FRK: variants seen among roughly 807,000 people sequenced by gnomAD.
The protein encoded by FRK is fyn related Src family tyrosine kinase, also known as tyrosine-protein kinase FRK.
Under a neutral mutation model 56.4 loss-of-function variants are expected in FRK, and 51 were observed. The observed-to-expected ratio is 0.90, with a 90% confidence interval of 0.72 to 1.14. The LOEUF is 1.14. Among genes scored for constraint, FRK ranks in the 50% most tolerant of loss-of-function variants. The pLI is 0.00. For synonymous variants in FRK, 245 were observed against 217.9 expected (o/e 1.12, Z -1.10); for missense variants, 570 against 601.4 (o/e 0.95, Z 0.55).
rs1453759573 is a variant in FRK at position 115,936,998 on chromosome 6, C to G, written c.*5416G>C. On this transcript the variant is annotated 3_prime_UTR_variant, in exon 8 of 8. Coordinates refer to ENST00000606080, the MANE Select transcript of FRK (RefSeq NM_002031.3). ...GAACGCCACAAAGATACTCCTCGAG[C>G]AGAGCAACCCCAAGACATATAATCG... 1 of 152,072 alleles carries G rather than the reference C, an allele frequency of 6.6e-6. No individual in the cohort carries two copies. Among genetic ancestry groups the G allele is most frequent in the Non-Finnish European group, 1.5e-5 (1 of 68,022 alleles). The allele number at this position is 152,072 out of a possible 1,614,324, so 9.4% of individuals were successfully genotyped here.
the FRK span, among the ~76,000 whole-genome samples, chr6:116,070,638 T>C: frequency 2.0e-5 from 3 of 152,190 alleles, no homozygotes; most frequent in Non-Finnish European, 2.9e-5. Flanking sequence ...ATCCAATCAG[T>C]ATTTTCCAAT....
the FRK span, among the ~76,000 whole-genome samples, chr6:116,083,757 A>C: frequency 6.6e-6 from 1 of 152,144 alleles, no homozygotes; most frequent in African/African-American, 2.4e-5. Flanking sequence ...CTGCAAACTC[A>C]AACTACTGGG....
chr6:116,022,687 C>A (rs1775921658), intron 1 of FRK, among the ~76,000 whole-genome samples: 1 of 152,088 alleles, frequency 6.6e-6, no homozygotes, highest in Admixed American at 6.6e-5. Context: ...ACAATATAAA[C>A]CCTTCACCTA....
At chr6:116,093,165 C>T in the FRK span, among the ~76,000 whole-genome samples, 3 of 152,150 alleles carry the variant, frequency 2.0e-5, no homozygotes, top group Non-Finnish European at 2.9e-5. Context: ...ATAGCCTAGC[C>T]TCCCTATAGC....
the FRK span, among the ~76,000 whole-genome samples, chr6:116,070,796 G>A: frequency 1.3e-5 from 2 of 152,088 alleles, no homozygotes; most frequent in Non-Finnish European, 1.5e-5. Flanking sequence ...TTATGCCAAA[G>A]TTTCCAGATT....
chr6:116,047,947 G>A (rs12524293), intron 1 of FRK, among the ~76,000 whole-genome samples: 9,054 of 152,330 alleles, frequency 0.059, 398 homozygotes, highest in Admixed American at 0.14. Flanking sequence ...GAATGCAGAT[G>A]CAAGGAAGCA....
At chr6:115,948,291 CAAAT>C (rs536022104) in intron 5 of FRK, among the ~76,000 whole-genome samples, 2 of 152,096 alleles carry the variant, frequency 1.3e-5, no homozygotes, top group Non-Finnish European at 2.9e-5. Flanking sequence ...TGCCAGGAGT[CAAAT>C]GAGTGAGTTT....
intron 1 of FRK, among the ~76,000 whole-genome samples, chr6:116,041,014 T>C (rs1032368506): frequency 1.3e-5 from 2 of 152,316 alleles, no homozygotes; most frequent in African/African-American, 4.8e-5. Flanking sequence ...AATTATCTAT[T>C]GGGATTCTTT....
At chr6:115,955,391 T>A (rs1312557439) in intron 5 of FRK, among the ~76,000 whole-genome samples, 1 of 152,106 alleles carries the variant, frequency 6.6e-6, no homozygotes, top group African/African-American at 2.4e-5. Context: ...TATAAAGCAT[T>A]TTTTGTTAGC....
chr6:115,958,667 A>G (rs1312953548), intron 4 of FRK, among the ~76,000 whole-genome samples: 30 of 2,866 alleles, frequency 0.01, 3 homozygotes, highest in African/African-American at 0.027. Context: ...AAAGAAAGAA[A>G]GAAAGAAAGA....
At chr6:116,028,428 CA>C (rs1426382673) in intron 1 of FRK, among the ~76,000 whole-genome samples, 12 of 152,200 alleles carry the variant, frequency 7.9e-5, no homozygotes. Flanking sequence ...ACTGCTGTAA[CA>C]AAGCACTACA....
In FRK at chr6:116,014,902, G is replaced by T. The variant is rs73770699; in HGVS notation, c.345-10904C>A. ...AAGAAATTTTCATAAGGATCTACAG[G>T]CAAAGGTGTTTTAATGAGTACATGC... On this transcript the variant is annotated intron_variant, in intron 1 of 7. Transcript: ENST00000606080. Among the ~76,000 whole-genome samples, 647 of 152,258 alleles carry T rather than the reference G, an allele frequency of 4.2e-3. 7 individuals carry two copies. Among genetic ancestry groups the T allele is most frequent in the African/African-American group, 0.015 (628 of 41,542 alleles).
At chr6:115,983,510 A>G (rs1774283892) in intron 2 of FRK, among the ~76,000 whole-genome samples, 1 of 152,184 alleles carries the variant, frequency 6.6e-6, no homozygotes, top group African/African-American at 2.4e-5. Context: ...ATTTTTCTCC[A>G]TCTAATACCA....
chr6:116,079,416 A>G, the FRK span, among the ~76,000 whole-genome samples: 7 of 145,596 alleles, frequency 4.8e-5, no homozygotes, highest in African/African-American at 1.6e-4. Context: ...TTTTTTTTTC[A>G]GAGTTCTTTC....
At chr6:115,992,265 G>T (rs1774642970) in intron 2 of FRK, among the ~76,000 whole-genome samples, 1 of 151,566 alleles carries the variant, frequency 6.6e-6, no homozygotes, top group Non-Finnish European at 1.5e-5. Flanking sequence ...GGTGTTTGTT[G>T]TCTCATCTCC....
At chr6:116,023,842 A>C (rs906571415) in intron 1 of FRK, among the ~76,000 whole-genome samples, 6 of 152,310 alleles carry the variant, frequency 3.9e-5, no homozygotes, top group African/African-American at 1.2e-4. Context: ...TTCCATTGAA[A>C]TGTAAGCTTA....
chr6:116,083,784 A>G, the FRK span, among the ~76,000 whole-genome samples: 1 of 152,076 alleles, frequency 6.6e-6, no homozygotes, highest in Admixed American at 6.6e-5. Context: ...TGATCCTCCC[A>G]CATCAGCCTC....
intron 2 of FRK, among the ~76,000 whole-genome samples, chr6:115,999,865 CT>C (rs1774988085): frequency 6.6e-6 from 1 of 152,118 alleles, no homozygotes; most frequent in Non-Finnish European, 1.5e-5. Context: ...GAAAAATTTT[CT>C]TTCAGTAGAA....
In FRK at chr6:115,936,294, T is replaced by A. The variant is rs1299258954; in HGVS notation, c.*6120A>T. The A allele has an allele frequency of 6.6e-6, 1 of 152,148 alleles. No homozygotes were observed. The highest frequency in any genetic ancestry group is 1.5e-5 in the Non-Finnish European group (1 of 68,044). The allele number at this position is 152,148 out of a possible 1,614,324, so 9.4% of individuals were successfully genotyped here. On this transcript the variant is annotated 3_prime_UTR_variant, in exon 8 of 8. Transcript: ENST00000606080. ...AACTAACAAACAGAAAGGAATAGTA[T>A]GTCCACTCAGAGACCCCATCCGAAC...
Sources: allele counts gnomAD v4.1 joint callset (sites outside exome capture counted in the v4.1 genomes callset), GRCh38; gene constraint gnomAD v4.1.1; transcripts MANE v1.5; gene names NCBI Gene and HGNC (gene_info 2026-07-23, HGNC 2026-07-21).